Variants in PIEZO1 observed in about 807,000 individuals in gnomAD.
The protein encoded by PIEZO1 is piezo type mechanosensitive ion channel component 1 (Er blood group), also known as piezo-type mechanosensitive ion channel component 1.
A neutral mutation model predicts 297.2 loss-of-function variants in PIEZO1; 296 were observed. The observed-to-expected ratio is 1.00, with a 90% CI of 0.91 to 1.10. PIEZO1 has a LOEUF of 1.10. PIEZO1 is among the 50% of genes least tolerant of loss of function. The pLI is 0.00. For synonymous variants in PIEZO1, 2,427 were observed against 1,507.5 expected (o/e 1.61, Z -14.13); for missense variants, 5,018 against 3,455.5 (o/e 1.45, Z -11.34).
At chr16:88,737,447 A>T in intron 10 of PIEZO1, 112 bp downstream of exon 10, 4 of 690,290 alleles carry the variant, frequency 5.8e-6, no homozygotes, top group Non-Finnish European at 9.5e-6. Context: ...AGGGGGCGGC[A>T]GGCAGAGGTG....
chr16:88,749,342 C>T, intron 2 of PIEZO1, 42 bp downstream of exon 2: 1 of 1,323,846 alleles, frequency 7.6e-7, no homozygotes, highest in Non-Finnish European at 1.0e-6. Context: ...AATGCCCACC[C>T]CCTCCCACCC....
At chr16:88,734,622 C>G (rs889497081) in intron 15 of PIEZO1, 28 bp downstream of exon 15, 1 of 1,549,708 alleles carries the variant, frequency 6.5e-7, no homozygotes, top group African/African-American at 1.4e-5. Flanking sequence ...TTCGGCGCCC[C>G]TGCCCCACCG....
At chr16:88,732,184 C>A in intron 21 of PIEZO1, 151 bp downstream of exon 21, 1 of 660,590 alleles carries the variant, frequency 1.5e-6, no homozygotes, top group South Asian at 1.8e-5. Context: ...CACAGGAGTC[C>A]AGGGAAGCCG....
chr16:88,727,413 T>C (rs1904529811), intron 23 of PIEZO1, 144 bp downstream of exon 23: 1 of 649,024 alleles, frequency 1.5e-6, no homozygotes, highest in Non-Finnish European at 2.6e-6. Flanking sequence ...CGTGCGTGCG[T>C]GCGAGGTCAG....
intron 1 of PIEZO1, among the ~76,000 whole-genome samples, chr16:88,775,985 G>A (rs146504772): frequency 3.9e-5 from 6 of 152,144 alleles, no homozygotes; most frequent in African/African-American, 9.7e-5. Flanking sequence ...AACCAGAGCC[G>A]GAGCCTGGCT....
chr16:88,767,571 C>A (rs553091907), intron 1 of PIEZO1, among the ~76,000 whole-genome samples: 26 of 152,308 alleles, frequency 1.7e-4, no homozygotes, highest in Admixed American at 3.3e-4. Flanking sequence ...ACCCCAAGAG[C>A]CACATACCAT....
intron 2 of PIEZO1, among the ~76,000 whole-genome samples, chr16:88,746,166 G>A (rs927061504): frequency 6.6e-6 from 1 of 152,194 alleles, no homozygotes; most frequent in Non-Finnish European, 1.5e-5. Context: ...GCTGAGCTGC[G>A]GGGTAGGGCC....
chr16:88,779,556 C>T (rs754816768), intron 1 of PIEZO1, among the ~76,000 whole-genome samples: 1 of 152,246 alleles, frequency 6.6e-6, no homozygotes, highest in Non-Finnish European at 1.5e-5. Context: ...AGAACTTGGA[C>T]TTCTGGCTGC....
intron 12 of PIEZO1, 135 bp downstream of exon 12, chr16:88,736,013 G>A (rs952321802): frequency 7.0e-6 from 6 of 857,704 alleles, no homozygotes; most frequent in Admixed American, 2.7e-5. Context: ...GGCTCTGGGT[G>A]GGCAGAAGGG....
At position 88,741,597 on chromosome 16, in the gene PIEZO1, G is replaced by C; in HGVS notation, c.346C>G (p.Pro116Ala). The stretch of plus-strand genomic sequence containing the variant: ...GGGGCCACCAGCCGGATGGCGTTGG[G>C]GATGTCCTTCAGGTCCAGCCTGCGG... ...GVTRLDLKDI[P>A]NAIRLVAPDL... The change falls in exon 5 of 51, where the codon CCC (proline) becomes GCC (alanine). Residue 116 changes from proline (P) to alanine (A), a missense_variant. Coordinates refer to ENST00000301015, the MANE Select transcript of PIEZO1 (RefSeq NM_001142864.4). 6.5e-7 allele frequency: 1 copy of C among 1,535,500 alleles called. No individual in the cohort carries two copies. The highest frequency in any genetic ancestry group is 8.7e-7 in the Non-Finnish European group (1 of 1,146,700).
chr16:88,716,546 G>T lies in PIEZO1; in HGVS notation c.6926+13C>A. 1 of 1,540,262 alleles carries T rather than the reference G, an allele frequency of 6.5e-7. No individual in the cohort carries two copies. Among genetic ancestry groups the T allele is most frequent in the Non-Finnish European group, 8.8e-7 (1 of 1,140,338 alleles). The stretch of plus-strand genomic sequence containing the variant: ...TCCACCCACCCAGGCACTGCCCCAA[G>T]TCCAGGACGAACCTCTGGAAGTTCC... On this transcript the variant is annotated intron_variant, in intron 47 of 50. Coordinates refer to ENST00000301015, the MANE Select transcript of PIEZO1 (RefSeq NM_001142864.4).
chr16:88,719,416 C>T (rs755314711), intron 44 of PIEZO1, 158 bp downstream of exon 44: 33 of 650,806 alleles, frequency 5.1e-5, no homozygotes, highest in Non-Finnish European at 8.2e-5. Flanking sequence ...TCACTGGCCT[C>T]GTGATCAGCT....
Position 88,719,812 on chromosome 16 carries a change from G to A in PIEZO1, c.6313C>T (p.Leu2105Phe), listed in dbSNP as rs1003513245. The A allele has an allele frequency of 2.3e-5, 36 of 1,550,454 alleles. No homozygotes were observed. Among genetic ancestry groups the A allele is most frequent in the Non-Finnish European group, 2.9e-5 (33 of 1,146,956 alleles). The change falls in exon 43 of 51, where the codon CTC becomes TTC. Residue 2105 changes from leucine to phenylalanine, a missense_variant. By Grantham distance (22) the Leu-to-Phe change is conservative. Transcript: ENST00000301015. Reference sequence around the variant, plus strand: ...CGGACCTGCACTCACCCCTGGAAGAGGAAGAGGTTGAGATGATTGTACTTC... The same window carrying A: ...CGGACCTGCACTCACCCCTGGAAGAAGAAGAGGTTGAGATGATTGTACTTC... ...TKKYNHLNLF[L>F]FQGFRLVPFL...
chr16:88,722,159 T>A (rs1234732472), intron 36 of PIEZO1, 59 bp downstream of exon 36: 1 of 1,523,018 alleles, frequency 6.6e-7, no homozygotes, highest in Non-Finnish European at 8.8e-7. Flanking sequence ...CTCCTGCCCC[T>A]GTTCGGCTGC....
At chr16:88,751,513 G>A (rs972861049) in intron 1 of PIEZO1, among the ~76,000 whole-genome samples, 8 of 152,236 alleles carry the variant, frequency 5.3e-5, no homozygotes, top group South Asian at 4.2e-4. Context: ...GCCGGGCTCC[G>A]GGGGGCACCG....
chr16:88,718,294 C>G (rs1204979225), intron 44 of PIEZO1: 1 of 152,864 alleles, frequency 6.5e-6, no homozygotes, highest in Non-Finnish European at 1.5e-5. Context: ...TGGTGGGAAC[C>G]TTAGATGGTG....
intron 2 of PIEZO1, among the ~76,000 whole-genome samples, chr16:88,748,828 G>A (rs1389306634): frequency 6.6e-6 from 1 of 151,790 alleles, no homozygotes; most frequent in African/African-American, 2.4e-5. Flanking sequence ...AGCTACTTGG[G>A]AGGCTGGGAT....
chr16:88,717,986 G>C, intron 44 of PIEZO1: 1 of 335,402 alleles, frequency 3.0e-6, no homozygotes, highest in South Asian at 2.4e-5. Context: ...GGGAGGCTGA[G>C]GTGGGAGAAT....
Position 88,726,550 on chromosome 16 carries a change from C to A in PIEZO1, c.3793G>T (p.Asp1265Tyr). 1 of 1,549,564 alleles carries A rather than the reference C, an allele frequency of 6.5e-7. No homozygotes were observed. The highest frequency in any genetic ancestry group is 1.2e-5 in the South Asian group (1 of 84,010). ...CGCCACCGTCCTGGCCACTCACGGT[C>A]ATAGTAGCCCTTGACGGTGCATACA... is the stretch of plus-strand genomic sequence containing the variant. Reference protein sequence around the residue: ...SLVCTVKGYYDPKEMMDRDQD... With the variant: ...SLVCTVKGYYYPKEMMDRDQD... Residue 1265 changes from aspartate (D) to tyrosine (Y), a missense_variant, in exon 26 of 51, where the codon GAC (aspartate) becomes TAC (tyrosine). By Grantham distance (160) the Asp-to-Tyr change is radical (BLOSUM62 -3). Coordinates refer to ENST00000301015, the MANE Select transcript of PIEZO1 (RefSeq NM_001142864.4).
Sources: allele counts gnomAD v4.1 joint callset (sites outside exome capture counted in the v4.1 genomes callset), GRCh38; gene constraint gnomAD v4.1.1; transcripts MANE v1.5; gene names NCBI Gene and HGNC (gene_info 2026-07-23, HGNC 2026-07-21).